Variants in FAR2 observed in about 807,000 individuals in gnomAD.
The protein encoded by FAR2 is epididymis secretory protein Li 81.
FAR2 carries 19 observed loss-of-function variants against 56.0 expected under a neutral mutation model. The ratio of observed to expected loss-of-function variants is 0.34; its 90% confidence interval spans 0.24 to 0.50. The LOEUF is 0.50. Ranked by LOEUF, FAR2 falls within the 20% of genes least tolerant of loss-of-function variation. FAR2 has a pLI of 0.98. For synonymous variants in FAR2, 219 were observed against 218.8 expected, an observed-to-expected ratio of 1.00 and a Z score of -0.01; for missense variants, 508 against 642.2, an observed-to-expected ratio of 0.79 and a Z score of 2.26.
At chr12:29,238,794 T>C (rs911585789) in intron 1 of FAR2, among the ~76,000 whole-genome samples, 2 of 152,186 alleles carry the variant, frequency 1.3e-5, no homozygotes, top group African/African-American at 4.8e-5. Flanking sequence ...GTTCTTTGAT[T>C]GAAAGCAAAA....
chr12:29,293,837 T>C (rs554727132), intron 3 of FAR2, among the ~76,000 whole-genome samples: 13 of 152,296 alleles, frequency 8.5e-5, no homozygotes, highest in Non-Finnish European at 1.9e-4. Flanking sequence ...TACATATATA[T>C]ATAATATATT....
At chr12:29,272,930 G>A (rs1030492036) in intron 2 of FAR2, among the ~76,000 whole-genome samples, 1 of 151,994 alleles carries the variant, frequency 6.6e-6, no homozygotes, top group Non-Finnish European at 1.5e-5. Context: ...CTGGGCATTC[G>A]CTTCAGGCCT....
intron 1 of FAR2, among the ~76,000 whole-genome samples, chr12:29,203,976 GGA>G (rs1947447514): frequency 8.0e-6 from 1 of 125,676 alleles, no homozygotes; most frequent in Non-Finnish European, 1.6e-5. Context: ...CTCCAGCCTG[GGA>G]GAGAGAGTGA....
chr12:29,240,773 A>T (rs1948016791), intron 1 of FAR2, among the ~76,000 whole-genome samples: 2 of 151,432 alleles, frequency 1.3e-5, no homozygotes, highest in Non-Finnish European at 2.9e-5. Flanking sequence ...AGCACTAGGA[A>T]TGTCATTGTG....
At chr12:29,240,051 G>A (rs545392000) in intron 1 of FAR2, among the ~76,000 whole-genome samples, 3 of 152,186 alleles carry the variant, frequency 2.0e-5, no homozygotes, top group East Asian at 3.9e-4. Context: ...ATCTTCCATC[G>A]TTCCAAGAGC....
At position 29,333,868 on chromosome 12, in the gene FAR2, T is replaced by G. The variant is rs1448199868; in HGVS notation, c.*74T>G. 7.1e-7 allele frequency: 1 copy of G among 1,404,396 alleles called. No homozygotes were observed. The highest frequency in any genetic ancestry group is 9.9e-7 in the Non-Finnish European group (1 of 1,014,692). The allele number at this position is 1,404,396 out of a possible 1,614,324, so 87.0% of individuals were successfully genotyped here. On this transcript the variant is annotated 3_prime_UTR_variant, in exon 12 of 12. Transcript: ENST00000536681. ...AACAGCAAACTGTGATTCTCAAGAT[T>G]AGAAAGTAACAAGGAATATGCCCAA...
chr12:29,181,968 C>A (rs7974769), intron 1 of FAR2, among the ~76,000 whole-genome samples: 118,812 of 152,170 alleles, frequency 0.78, 47,289 homozygotes, highest in East Asian at 0.91. Context: ...CAGATTATAC[C>A]TAGATAGTTC....
At chr12:29,308,772 A>G (rs1164581886) in intron 5 of FAR2, among the ~76,000 whole-genome samples, 1 of 151,084 alleles carries the variant, frequency 6.6e-6, no homozygotes, top group Non-Finnish European at 1.5e-5. Flanking sequence ...CTGGTAAAAA[A>G]TGTTAAGAAA....
At chr12:29,300,966 T>G (rs1237746098) in intron 4 of FAR2, among the ~76,000 whole-genome samples, 1 of 152,128 alleles carries the variant, frequency 6.6e-6, no homozygotes, top group African/African-American at 2.4e-5. Context: ...ACTGTGAACT[T>G]GAACCCCATG....
chr12:29,265,214 GC>G (rs1312195433), intron 1 of FAR2, among the ~76,000 whole-genome samples: 4 of 152,162 alleles, frequency 2.6e-5, no homozygotes, highest in African/African-American at 7.2e-5. Context: ...ACCCAGATCT[GC>G]CAAAGCTATC....
intron 1 of FAR2, among the ~76,000 whole-genome samples, chr12:29,170,315 A>G (rs1949872864): frequency 6.6e-6 from 1 of 152,174 alleles, no homozygotes; most frequent in Non-Finnish European, 1.5e-5. Flanking sequence ...AGACCTTTGT[A>G]TGGTAATTAA....
chr12:29,192,105 GC>G (rs1218340966), intron 1 of FAR2, among the ~76,000 whole-genome samples: 5 of 152,154 alleles, frequency 3.3e-5, no homozygotes, highest in African/African-American at 1.2e-4. Flanking sequence ...AATAGCTATG[GC>G]CCAGTGAGTA....
At chr12:29,253,852 T>C (rs1463745229) in intron 1 of FAR2, among the ~76,000 whole-genome samples, 1 of 152,240 alleles carries the variant, frequency 6.6e-6, no homozygotes, top group Non-Finnish European at 1.5e-5. Context: ...ACGCTTAACA[T>C]AGTGTGTAGC....
At chr12:29,202,583 C>T (rs558106985) in intron 1 of FAR2, among the ~76,000 whole-genome samples, 6 of 152,176 alleles carry the variant, frequency 3.9e-5, no homozygotes, top group South Asian at 2.1e-4. Context: ...TGTTGGAGGT[C>T]GGGCCTGGTA....
chr12:29,251,778 G>A (rs963006536), intron 1 of FAR2, among the ~76,000 whole-genome samples: 1 of 152,034 alleles, frequency 6.6e-6, no homozygotes, highest in African/African-American at 2.4e-5. Flanking sequence ...CCACCATCAC[G>A]GATTGTGCAA....
intron 9 of FAR2, 78 bp from the exon 10 acceptor site, chr12:29,321,717 A>C: frequency 6.7e-7 from 1 of 1,485,610 alleles, no homozygotes; most frequent in Non-Finnish European, 9.0e-7. Flanking sequence ...TTTTCTTAAA[A>C]ATAATTTCTC....
intron 1 of FAR2, among the ~76,000 whole-genome samples, chr12:29,270,092 T>A (rs1948589190): frequency 1.3e-5 from 2 of 152,212 alleles, no homozygotes; most frequent in Non-Finnish European, 2.9e-5. Flanking sequence ...TCTCCCTTTG[T>A]TTTAGCACTT....
chr12:29,151,424 T>TCCTA (rs1237089844), intron 1 of FAR2: 1 of 150,802 alleles, frequency 6.6e-6, no homozygotes, highest in Non-Finnish European at 1.5e-5. Context: ...ATGCCCAGCC[T>TCCTA]CCTACATTCT....
intron 5 of FAR2, among the ~76,000 whole-genome samples, chr12:29,308,713 C>T (rs71438658): frequency 0.31 from 37,469 of 122,232 alleles, 5,732 homozygotes; most frequent in African/African-American, 0.46. Flanking sequence ...CACACACACA[C>T]ACACACATAT....
Sources: allele counts gnomAD v4.1 joint callset (sites outside exome capture counted in the v4.1 genomes callset), GRCh38; gene constraint gnomAD v4.1.1; transcripts MANE v1.5; gene names NCBI Gene and HGNC (gene_info 2026-07-23, HGNC 2026-07-21).